Variants in KLHL22 observed in about 807,000 individuals in gnomAD.
KLHL22 encodes kelch like family member 22.
KLHL22 carries 18 observed loss-of-function variants against 60.7 expected under a neutral mutation model. The observed-to-expected ratio is 0.30, with a 90% CI of 0.20 to 0.44. KLHL22 has a LOEUF of 0.44. KLHL22 is among the 20% of genes least tolerant of loss of function. KLHL22 has a pLI of 1.00. For synonymous variants in KLHL22, 355 were observed against 354.5 expected (o/e 1.00, Z -0.01); for missense variants, 596 against 852.3 (o/e 0.70, Z 3.74).
At chr22:20,486,151 AGT>A (rs2053583518) in intron 2 of KLHL22, among the ~76,000 whole-genome samples, 1 of 134,466 alleles carries the variant, frequency 7.4e-6, no homozygotes. Context: ...TGGGTGACAG[AGT>A]GAGATTCCGT....
intron 4 of KLHL22, among the ~76,000 whole-genome samples, chr22:20,462,274 C>T (rs2053167453): frequency 2.9e-5 from 1 of 34,932 alleles, no homozygotes; most frequent in Admixed American, 4.1e-4. Flanking sequence ...GAGACTCTGT[C>T]TCAAAAAAAA....
rs562360749 is a variant in KLHL22 at position 20,481,547 on chromosome 22, C to T, written c.227+7438G>A. On this transcript the variant is annotated intron_variant, in intron 2 of 6. Transcript: ENST00000328879. ...GGGATCATGCCACTGCACTCCCGCC[C>T]GGGCGACAGAGAGAGACTCCATCTC... Among the ~76,000 whole-genome samples the T allele has an allele frequency of 6.4e-3, 971 of 151,934 alleles. 4 individuals are homozygous for T. The highest frequency in any genetic ancestry group is 0.01 in the Non-Finnish European group (693 of 67,956).
chr22:20,471,589 A>G, intron 2 of KLHL22, 74 bp from the exon 3 acceptor site: 3 of 1,524,240 alleles, frequency 2.0e-6, no homozygotes, highest in Non-Finnish European at 2.7e-6. Flanking sequence ...GAGTGACAGC[A>G]TTCAGAGAAG....
rs760810312 is a variant in KLHL22, at chr22:20,442,356, A to G, written c.1622T>C (p.Val541Ala). ...PAGHGEPGIA[V>A]LDNRIYVLGG... is the part of the protein sequence containing the mutation. ...TAACACATAGATCCTGTTGTCCAGC[A>G]CAGCAATGCCAGGCTCACCGTGCCC... Residue 541 changes from valine (V) to alanine (A), a missense_variant, in exon 7 of 7, where the codon GTG becomes GCG. By Grantham distance (64) the Val-to-Ala change is moderately conservative. Transcript: ENST00000328879. 3.7e-6 allele frequency: 6 copies of G among 1,613,884 alleles called. No individual in the cohort carries two copies. The South Asian group carries it at 6.6e-5, about 18-fold the overall frequency.
chr22:20,484,655 C>T (rs760454724), intron 2 of KLHL22, among the ~76,000 whole-genome samples: 1 of 151,816 alleles, frequency 6.6e-6, no homozygotes, highest in Non-Finnish European at 1.5e-5. Flanking sequence ...TGGTCTCGAA[C>T]TCTTGGGCTC....
chr22:20,446,138 A>G (rs532487195), intron 6 of KLHL22, among the ~76,000 whole-genome samples: 3 of 152,224 alleles, frequency 2.0e-5, no homozygotes, highest in Non-Finnish European at 4.4e-5. Context: ...GTCCAAACCT[A>G]TAGAATGTGC....
intron 2 of KLHL22, chr22:20,482,856 C>G: frequency 6.4e-6 from 8 of 1,257,158 alleles, no homozygotes; most frequent in Non-Finnish European, 4.6e-6. Context: ...TCAGACACCA[C>G]TTTGCCATCC....
chr22:20,446,356 G>A, intron 6 of KLHL22, 87 bp downstream of exon 6: 1 of 819,630 alleles, frequency 1.2e-6, no homozygotes, highest in Non-Finnish European at 2.0e-6. Flanking sequence ...TTTTTAAAAG[G>A]CACATGATTC....
In KLHL22 at chr22:20,446,602, C is replaced by T; in HGVS notation, c.1380G>A (p.Leu460=). ...ITCGRRGEDY[L]KETHCYDPGS... is the part of the protein sequence containing the mutation. ...CTGGATCGTAGCAGTGTGTCTCTTTCAGGTAATCCTCCCCTCTGCGGCCGC... is the reference window on the plus strand; with the variant it reads ...CTGGATCGTAGCAGTGTGTCTCTTTTAGGTAATCCTCCCCTCTGCGGCCGC... The change falls in exon 6 of 7, where the codon CTG becomes CTA. Residue 460 remains leucine, a synonymous_variant. Coordinates refer to ENST00000328879, the MANE Select transcript of KLHL22 (RefSeq NM_032775.4). The T allele has an allele frequency of 6.2e-7, 1 of 1,613,894 alleles. No individual in the cohort carries two copies. Among genetic ancestry groups the T allele is most frequent in the Non-Finnish European group, 8.5e-7 (1 of 1,180,032 alleles).
intron 5 of KLHL22, among the ~76,000 whole-genome samples, chr22:20,447,488 C>T (rs1163960057): frequency 6.6e-6 from 1 of 152,004 alleles, no homozygotes; most frequent in Admixed American, 6.6e-5. Context: ...AGAACACACA[C>T]CAAGGGTTTG....
chr22:20,470,719 CATGGATGG>C (rs566014622), intron 3 of KLHL22, among the ~76,000 whole-genome samples: 6 of 143,498 alleles, frequency 4.2e-5, no homozygotes, highest in Admixed American at 6.9e-5. Flanking sequence ...TGGATGCATG[CATGGATGG>C]ATGGATGGAT....
At chr22:20,493,019 G>T in intron 1 of KLHL22, 1 of 363,610 alleles carries the variant, frequency 2.8e-6, no homozygotes, top group Non-Finnish European at 5.6e-6. Context: ...CTGGGCACTT[G>T]TCTCATATAC....
intron 2 of KLHL22, among the ~76,000 whole-genome samples, chr22:20,472,776 G>A (rs1483678551): frequency 2.0e-5 from 3 of 152,140 alleles, no homozygotes; most frequent in African/African-American, 7.2e-5. Flanking sequence ...ACCCAGCAGG[G>A]CATCTGACCT....
intron 5 of KLHL22, chr22:20,450,947 T>C (rs1476396422): frequency 3.0e-5 from 48 of 1,609,360 alleles, no homozygotes; most frequent in Middle Eastern, 1.8e-4. Context: ...AGGGCTCGCC[T>C]AGGAGCCAAT....
chr22:20,477,015 C>G (rs1310323224), intron 2 of KLHL22, among the ~76,000 whole-genome samples: 1 of 151,346 alleles, frequency 6.6e-6, no homozygotes, highest in Non-Finnish European at 1.5e-5. Context: ...CGGACACAAA[C>G]TTTTACCATT....
chr22:20,460,049 C>A (rs1217889536), intron 4 of KLHL22, among the ~76,000 whole-genome samples: 3 of 152,162 alleles, frequency 2.0e-5, no homozygotes, highest in Non-Finnish European at 4.4e-5. Flanking sequence ...AGGGGACCAG[C>A]AGTCCAGGAT....
chr22:20,483,572 C>T, intron 2 of KLHL22: 1 of 727,024 alleles, frequency 1.4e-6, no homozygotes, highest in Non-Finnish European at 2.5e-6. Context: ...ATGTCGCTCT[C>T]CACAGACTAG....
At chr22:20,469,217 AAC>A (rs1455107931) in intron 3 of KLHL22, among the ~76,000 whole-genome samples, 1 of 152,174 alleles carries the variant, frequency 6.6e-6, no homozygotes, top group Non-Finnish European at 1.5e-5. Flanking sequence ...AGGAAATGGA[AAC>A]ACAGAACAGA....
chr22:20,469,430 T>C (rs1231179155), intron 3 of KLHL22, among the ~76,000 whole-genome samples: 1 of 152,134 alleles, frequency 6.6e-6, no homozygotes, highest in Non-Finnish European at 1.5e-5. Flanking sequence ...CAGCTGGACC[T>C]GAGCCATGCT....
Sources: gnomAD v4.1 joint callset for allele counts (sites outside exome capture counted in the v4.1 genomes callset) on GRCh38, gnomAD v4.1.1 for gene constraint, MANE v1.5 for transcripts, NCBI Gene and HGNC (gene_info 2026-07-23, HGNC 2026-07-21) for gene names.